The following KDM4A variants were observed in gnomAD, a reference collection of about 807,000 sequenced individuals.
KDM4A encodes the protein lysine-specific demethylase 4A.
KDM4A carries 23 observed loss-of-function variants against 127.1 expected under a neutral mutation model. The ratio of observed to expected loss-of-function variants is 0.18; its 90% confidence interval spans 0.13 to 0.26. The LOEUF is 0.26. Among genes scored for constraint, KDM4A ranks in the 10% least tolerant of loss-of-function variants. KDM4A has a pLI of 1.00. For missense variants in KDM4A, 890 were observed against 1,329.1 expected (o/e 0.67, Z 5.14); for synonymous variants, 443 against 466.5 (o/e 0.95, Z 0.65).
chr1:43,693,919 G>A lies in KDM4A; in HGVS notation c.2376-75G>A, dbSNP rs996983488. ...TCACCCAGGTGAGGGAGGAAGCGCT[G>A]TCAGCAGGCCCAAAAGAGAAGGCCA... On this transcript the variant is annotated intron_variant, in intron 16 of 21. Coordinates refer to ENST00000372396, the MANE Select transcript of KDM4A (RefSeq NM_014663.3). This position sits in a 1 kb window ranked among gnomAD's most constrained non-coding sequence, Gnocchi z 4.2. 2 of 1,240,946 alleles carry A rather than the reference G, an allele frequency of 1.6e-6. No homozygotes were observed. Among genetic ancestry groups the A allele is most frequent in the Non-Finnish European group, 2.3e-6 (2 of 851,926 alleles). The allele number at this position is 1,240,946 out of a possible 1,614,324, so 76.9% of individuals were successfully genotyped here.
At chr1:43,674,516 C>CT (rs35692956) in intron 11 of KDM4A, among the ~76,000 whole-genome samples, 58,320 of 145,468 alleles carry the variant, frequency 0.4, 11,475 homozygotes, top group East Asian at 0.57. Flanking sequence ...GGCCCTGCTA[C>CT]TTTTTTTTTT....
chr1:43,690,868 G>C lies in KDM4A; in HGVS notation c.2061G>C (p.Gln687His). 1 of 1,614,186 alleles carries C rather than the reference G, an allele frequency of 6.2e-7. No individual in the cohort carries two copies. The highest frequency in any genetic ancestry group is 8.5e-7 in the Non-Finnish European group (1 of 1,180,030). ...AGGTTGAATTTGGAGGCTTTAATCA[G>C]AACTGTGGAAATGCTTCAGATTTAG... The part of the protein sequence containing the change: ...YHQVEFGGFN[Q>H]NCGNASDLAP... Residue 687 changes from glutamine (Q) to histidine (H), a missense_variant, in exon 14 of 22, where the codon CAG (glutamine) becomes CAC (histidine). Physicochemically the swap from Gln to His is conservative, Grantham distance 24. Around this residue, in one of 7 missense-constraint regions of KDM4A, gnomAD observed 389 missense variants for 485.9 expected, o/e 0.80. Transcript: ENST00000372396.
At chr1:43,674,534 G>C (rs1166211408) in intron 11 of KDM4A, among the ~76,000 whole-genome samples, 8 of 149,558 alleles carry the variant, frequency 5.3e-5, no homozygotes, top group Middle Eastern at 3.4e-3. Flanking sequence ...TTTTTTGTGG[G>C]GGGACTGAGT....
intron 19 of KDM4A, among the ~76,000 whole-genome samples, chr1:43,698,823 C>T (rs767735637): frequency 6.6e-6 from 1 of 152,186 alleles, no homozygotes; most frequent in African/African-American, 2.4e-5. Flanking sequence ...GGGTTTCACT[C>T]TGACGCCCAG....
Position 43,667,068 on chromosome 1 carries a change from G to A in KDM4A, c.892G>A (p.Glu298Lys), listed in dbSNP as rs763699327. The A allele has an allele frequency of 6.2e-7, 1 of 1,614,072 alleles. No homozygotes were observed. The highest frequency in any genetic ancestry group is 8.5e-7 in the Non-Finnish European group (1 of 1,180,046). Residue 298 changes from glutamate to lysine, a missense_variant, in exon 8 of 22, where the codon GAG becomes AAG. By Grantham distance (56) the Glu-to-Lys change is moderately conservative. This residue lies in a region of KDM4A where 141 missense variants were observed against 273.5 expected (regional missense o/e 0.52). Coordinates refer to ENST00000372396, the MANE Select transcript of KDM4A (RefSeq NM_014663.3). Reference sequence around the variant, plus strand: ...CAATTTTGCTACCCGTCGGTGGATTGAGTACGGCAAGCAAGCTGTGCTGGT... The same window carrying A: ...CAATTTTGCTACCCGTCGGTGGATTAAGTACGGCAAGCAAGCTGTGCTGGT... The part of the protein sequence containing the change: ...STNFATRRWI[E>K]YGKQAVLCSC...
At chr1:43,662,767 T>G (rs1660414120) in intron 4 of KDM4A, 127 bp from the exon 5 acceptor site, 1 of 750,364 alleles carries the variant, frequency 1.3e-6, no homozygotes, top group Non-Finnish European at 2.2e-6. Flanking sequence ...ACGTCCATAG[T>G]GTTTTGACAT....
intron 16 of KDM4A, among the ~76,000 whole-genome samples, chr1:43,692,676 G>A (rs757160023): frequency 1.6e-4 from 24 of 152,210 alleles, no homozygotes; most frequent in Non-Finnish European, 2.5e-4. Context: ...GCGGCCACAG[G>A]CTAGCAAGCA....
intron 11 of KDM4A, among the ~76,000 whole-genome samples, chr1:43,672,771 G>A (rs1232065951): frequency 6.6e-6 from 1 of 152,206 alleles, no homozygotes; most frequent in African/African-American, 2.4e-5. Flanking sequence ...TGGGATTACA[G>A]GCGTGAACCA....
rs2296756 is a variant in KDM4A at position 43,666,884 on chromosome 1, G to A, written c.778-70G>A. ...CTTTGTTACTCAGCTAAGTTGTGGT[G>A]GAGCTCAGAATTCCAGTTCTGTGGA... On this transcript the variant is annotated intron_variant, in intron 7 of 21. Coordinates refer to ENST00000372396, the MANE Select transcript of KDM4A (RefSeq NM_014663.3). 9.3e-5 allele frequency: 142 copies of A among 1,520,126 alleles called. 1 individual carries two copies. In the East Asian group the frequency reaches 3.0e-3, roughly 33 times the overall value. 94.2% of individuals were successfully genotyped at this position (1,520,126 alleles called of 1,614,324 possible).
intron 18 of KDM4A, among the ~76,000 whole-genome samples, chr1:43,695,217 A>G (rs910521219): frequency 6.6e-6 from 1 of 152,240 alleles, no homozygotes; most frequent in Non-Finnish European, 1.5e-5. Context: ...TGTCCGGGAC[A>G]TGCAGAACCT....
At chr1:43,698,434 T>C (rs1022463680) in intron 19 of KDM4A, among the ~76,000 whole-genome samples, 2 of 152,238 alleles carry the variant, frequency 1.3e-5, no homozygotes, top group Admixed American at 6.5e-5. Flanking sequence ...AATCTGCTTT[T>C]GTCTCTTCAC....
At chr1:43,667,121 C>T in intron 8 of KDM4A, 30 bp downstream of exon 8, 1 of 1,611,156 alleles carries the variant, frequency 6.2e-7, no homozygotes, top group Non-Finnish European at 8.5e-7. Context: ...TTCTATAACA[C>T]CATGACAAAA....
intron 21 of KDM4A, 41 bp downstream of exon 21, chr1:43,704,153 G>A: frequency 6.2e-7 from 1 of 1,612,772 alleles, no homozygotes; most frequent in Non-Finnish European, 8.5e-7. Flanking sequence ...GTCTTGGAGG[G>A]AGGGAACAAG....
chr1:43,703,271 T>TG (rs1374526918), intron 19 of KDM4A: 1 of 187,890 alleles, frequency 5.3e-6, no homozygotes, highest in East Asian at 1.4e-4. Context: ...TAGTTGAGTA[T>TG]GGTTCTAGTA....
rs1377244375 is a variant in KDM4A at position 43,704,646 on chromosome 1, G to C, written c.*276G>C. ...CTGCACTGGCCCCAGTCCATAGAGG[G>C]GTCAACTATGCTGGCTGGACTGGCT... On this transcript the variant is annotated 3_prime_UTR_variant, in exon 22 of 22. Coordinates refer to ENST00000372396, the MANE Select transcript of KDM4A (RefSeq NM_014663.3). 2.3e-6 allele frequency: 1 copy of C among 435,734 alleles called. No individual in the cohort carries two copies. The highest frequency in any genetic ancestry group is 4.1e-6 in the Non-Finnish European group (1 of 242,032). The allele number at this position is 435,734 out of a possible 1,614,324, so 27.0% of individuals were successfully genotyped here.
chr1:43,690,450 G>A (rs1326537166), intron 13 of KDM4A: 3 of 288,350 alleles, frequency 1.0e-5, no homozygotes, highest in Admixed American at 4.6e-5. Context: ...GTTTCACCAT[G>A]TTGGCTAGGC....
intron 11 of KDM4A, among the ~76,000 whole-genome samples, chr1:43,673,806 C>G (rs1425137678): frequency 6.6e-6 from 1 of 152,226 alleles, no homozygotes; most frequent in East Asian, 1.9e-4. Flanking sequence ...GCCATTTCAT[C>G]CATCCTACTG....
intron 11 of KDM4A, among the ~76,000 whole-genome samples, chr1:43,672,178 T>A (rs1660634616): frequency 6.6e-6 from 1 of 152,104 alleles, no homozygotes. Context: ...TCAGCCCACT[T>A]GGATCACAAT....
rs187601224 is a variant in KDM4A at position 43,652,023 on chromosome 1, C to T, written c.-39-1114C>T. 2.8e-3 allele frequency among the ~76,000 whole-genome samples: 430 copies of T among 152,298 alleles called. 4 individuals carry two copies. The highest frequency in any genetic ancestry group is 0.01 in the African/African-American group (419 of 41,560). ...AAATTATGTTACTAATATCAAAGGG[C>T]TTTTAAATCATGTTACTAATATCAA... On this transcript the variant is annotated intron_variant, in intron 1 of 21. Coordinates refer to ENST00000372396, the MANE Select transcript of KDM4A (RefSeq NM_014663.3).
Sources: allele counts gnomAD v4.1 joint callset (sites outside exome capture counted in the v4.1 genomes callset), GRCh38; gene constraint gnomAD v4.1.1; regional missense constraint gnomAD v4.1.1; non-coding constraint Gnocchi (gnomAD v3.1); transcripts MANE v1.5; gene names NCBI Gene and HGNC (gene_info 2026-07-23, HGNC 2026-07-21).